ITPR2: variants seen among roughly 807,000 people sequenced by gnomAD.
ITPR2 encodes inositol 1,4,5-trisphosphate receptor type 2.
In ITPR2, 207 loss-of-function variants were observed where a neutral mutation model predicts 317.1. That is an observed-to-expected ratio of 0.65 (90% CI 0.58 to 0.73). ITPR2 has a LOEUF of 0.73. Among genes scored for constraint, ITPR2 ranks in the 30% least tolerant of loss-of-function variants. The probability of loss-of-function intolerance (pLI) is 0.00; values close to 1 mark genes in which losing one functional copy is unlikely to be tolerated. For missense variants in ITPR2, 2,613 were observed against 3,284.0 expected, an observed-to-expected ratio of 0.80 and a Z score of 4.99; for synonymous variants, 1,156 against 1,149.1, an observed-to-expected ratio of 1.01 and a Z score of -0.12.
At chr12:26,725,141 G>C (rs79577866) in intron 3 of ITPR2, among the ~76,000 whole-genome samples, 9,364 of 152,064 alleles carry the variant, frequency 0.062, 376 homozygotes, top group African/African-American at 0.12. Flanking sequence ...ACTTTAAGAA[G>C]GTATATTGCT....
intron 34 of ITPR2, among the ~76,000 whole-genome samples, chr12:26,575,898 A>G (rs1179389617): frequency 1.3e-5 from 2 of 152,188 alleles, no homozygotes; most frequent in East Asian, 3.9e-4. Context: ...CAATGTATAC[A>G]TGTGATCAAC....
rs145224108 is a variant in ITPR2, at chr12:26,595,469, G to A, written c.4376C>T (p.Ala1459Val). The part of the protein sequence containing the change: ...KLFENFLVDM[A>V]RVCNTTTDRK... The stretch of plus-strand genomic sequence containing the variant: ...AGTAGTCAAAATCTAACTTACCCTT[G>A]CCATATCCACCAAGAAGTTCTCAAA... The change falls in exon 32 of 57, where the codon GCA becomes GTA. Residue 1459 changes from alanine to valine, a missense_variant. Physicochemically the swap from Ala to Val is moderately conservative, Grantham distance 64. Around this residue, in one of 9 missense-constraint regions of ITPR2, gnomAD observed 926 missense variants for 1,072.8 expected, o/e 0.86. Coordinates refer to ENST00000381340, the MANE Select transcript of ITPR2 (RefSeq NM_002223.4). The A allele has an allele frequency of 2.0e-4, 314 of 1,605,462 alleles. 1 individual carries two copies. In the African/African-American group the frequency reaches 3.9e-3, roughly 20 times the overall value.
At chr12:26,768,569 T>A (rs371607616) in intron 2 of ITPR2, among the ~76,000 whole-genome samples, 1,917 of 14,570 alleles carry the variant, frequency 0.13, 77 homozygotes, top group African/African-American at 0.29. Flanking sequence ...TACAAATATA[T>A]ATAAAAAAAA....
At chr12:26,529,417 C>T (rs1943895120) in intron 37 of ITPR2, among the ~76,000 whole-genome samples, 3 of 152,166 alleles carry the variant, frequency 2.0e-5, no homozygotes, top group African/African-American at 4.8e-5. Context: ...TGGGTGTGTG[C>T]TGTTTCCTCT....
At chr12:26,605,120 A>AAATAT (rs1465336732) in intron 26 of ITPR2, among the ~76,000 whole-genome samples, 17 of 104,252 alleles carry the variant, frequency 1.6e-4, no homozygotes, top group East Asian at 6.4e-4. Flanking sequence ...AAAAATAAAA[A>AAATAT]ATAAAAATAT....
At chr12:26,543,046 G>C (rs946795916) in intron 37 of ITPR2, among the ~76,000 whole-genome samples, 1 of 152,058 alleles carries the variant, frequency 6.6e-6, no homozygotes, top group Non-Finnish European at 1.5e-5. Context: ...CTTTTTATGA[G>C]AGAAATAACT....
At chr12:26,441,309 C>T (rs1941483162) in intron 46 of ITPR2, among the ~76,000 whole-genome samples, 1 of 152,112 alleles carries the variant, frequency 6.6e-6, no homozygotes, top group Admixed American at 6.6e-5. Context: ...TCCTATTTCC[C>T]AGGGTCTTTA....
intron 1 of ITPR2, among the ~76,000 whole-genome samples, chr12:26,821,431 G>T (rs1231403660): frequency 6.6e-6 from 1 of 152,198 alleles, no homozygotes; most frequent in African/African-American, 2.4e-5. Context: ...TACAGAAATT[G>T]CTCCATTCAA....
chr12:26,443,625 T>C lies in ITPR2; in HGVS notation c.6368A>G (p.Gln2123Arg). ...HQLARHNKLL[Q>R]QMLKPGSDPD... ...ATCCGATCCTGGTTTGAGCATCTGC[T>C]GCAACAGTTTATTGTGGCGGGCCAA... Residue 2123 changes from glutamine to arginine, a missense_variant, in exon 46 of 57, where the codon CAG becomes CGG. This residue lies in a region of ITPR2 where 926 missense variants were observed against 1,072.8 expected (regional missense o/e 0.86). Transcript: ENST00000381340. 1 of 1,613,018 alleles carries C rather than the reference T, an allele frequency of 6.2e-7. No individual in the cohort carries two copies. Among genetic ancestry groups the C allele is most frequent in the South Asian group, 1.1e-5 (1 of 91,062 alleles).
chr12:26,770,530 T>C (rs1160386525), intron 2 of ITPR2, among the ~76,000 whole-genome samples: 3 of 152,212 alleles, frequency 2.0e-5, no homozygotes, highest in Non-Finnish European at 4.4e-5. Context: ...AGTTGGTAGC[T>C]AAGGGTCTAG....
chr12:26,669,578 C>T (rs1229175210), intron 13 of ITPR2, among the ~76,000 whole-genome samples: 5 of 152,138 alleles, frequency 3.3e-5, no homozygotes, highest in Non-Finnish European at 4.4e-5. Flanking sequence ...CCAAGATGGC[C>T]GAATAGGAAC....
At chr12:26,627,445 C>T (rs933699417) in intron 23 of ITPR2, 2 of 152,186 alleles carry the variant, frequency 1.3e-5, no homozygotes, top group Non-Finnish European at 2.9e-5. Context: ...TGGTTTTCTC[C>T]TCTGTAAAAT....
intron 48 of ITPR2, among the ~76,000 whole-genome samples, chr12:26,435,866 G>A (rs11048518): frequency 0.036 from 5,433 of 152,068 alleles, 276 homozygotes; most frequent in African/African-American, 0.12. Flanking sequence ...AAATATAAAC[G>A]CCAGTATTTA....
intron 37 of ITPR2, among the ~76,000 whole-genome samples, chr12:26,533,852 G>A (rs1323415027): frequency 1.3e-5 from 2 of 152,152 alleles, no homozygotes; most frequent in African/African-American, 4.8e-5. Context: ...TGTTGTTTAA[G>A]CCACTCGATC....
chr12:26,814,594 A>C (rs1453203544), intron 1 of ITPR2, among the ~76,000 whole-genome samples: 1 of 152,252 alleles, frequency 6.6e-6, no homozygotes, highest in Non-Finnish European at 1.5e-5. Context: ...AATTTATGTT[A>C]GCTAAAAAGA....
chr12:26,346,971 C>T (rs891844450), intron 55 of ITPR2, among the ~76,000 whole-genome samples: 12 of 152,074 alleles, frequency 7.9e-5, no homozygotes, highest in African/African-American at 2.2e-4. Flanking sequence ...AACAGAAACA[C>T]GGCATTTTGG....
chr12:26,350,665 C>G (rs1200767636), intron 55 of ITPR2, among the ~76,000 whole-genome samples: 1 of 152,038 alleles, frequency 6.6e-6, no homozygotes. Flanking sequence ...TCTCACCCCC[C>G]AGACAACAGC....
intron 54 of ITPR2, among the ~76,000 whole-genome samples, chr12:26,391,047 T>G (rs2136634963): frequency 6.6e-6 from 1 of 152,176 alleles, no homozygotes; most frequent in Admixed American, 6.5e-5. Context: ...TTTTAAAAGG[T>G]TTCCAAGAGG....
rs1565574550 is a variant in ITPR2 at position 26,516,275 on chromosome 12, G to GGAAAGGAAAGGAAAGGAAAGGAAA, written c.5074-21016_5074-21015insTTTCCTTTCCTTTCCTTTCCTTTC. On this transcript the variant is annotated intron_variant, in intron 37 of 56. Transcript: ENST00000381340. ...AGGAAAGGAAAGGAAAGGAAAGGAA[G>GGAAAGGAAAGGAAAGGAAAGGAAA]GGAAGGGAAGGGAAAGGAAAGGAAA... 1.6e-3 allele frequency among the ~76,000 whole-genome samples: 62 copies of GGAAAGGAAAGGAAAGGAAAGGAAA among 37,808 alleles called. 6 individuals carry two copies. The highest frequency in any genetic ancestry group is 3.2e-3 in the African/African-American group (33 of 10,160). The allele number at this position is 37,808 out of a possible 152,430, so 24.8% of individuals were successfully genotyped here.
Sources: allele counts gnomAD v4.1 joint callset (sites outside exome capture counted in the v4.1 genomes callset), GRCh38; gene constraint gnomAD v4.1.1; regional missense constraint gnomAD v4.1.1; transcripts MANE v1.5; gene names NCBI Gene and HGNC (gene_info 2026-07-23, HGNC 2026-07-21).